LACC1: variants seen among roughly 807,000 people sequenced by gnomAD.
LACC1 encodes the protein laccase domain multifunctional purine nucleosidase 1.
In LACC1, 25 loss-of-function variants were observed where a neutral mutation model predicts 34.8. The ratio of observed to expected loss-of-function variants is 0.72; its 90% CI spans 0.52 to 1.00. The LOEUF (loss-of-function observed/expected upper bound fraction) is 1.00, where lower values mean the gene tolerates loss of function less well. LACC1 is among the 50% of genes least tolerant of loss of function. LACC1 has a pLI of 0.00. For synonymous variants in LACC1, 162 were observed against 168.0 expected (o/e 0.96, Z 0.28); for missense variants, 426 against 511.2 (o/e 0.83, Z 1.61).
At position 43,890,275 on chromosome 13, in the gene LACC1, G is replaced by A. The variant is rs2138368520; in HGVS notation, c.*1+1G>A. 1 of 1,609,270 alleles carries A rather than the reference G, an allele frequency of 6.2e-7. No individual in the cohort carries two copies. Among genetic ancestry groups the A allele is most frequent in the East Asian group, 2.2e-5 (1 of 44,618 alleles). ...GGCTTCATATCAATTAAAGAATGAGGTACAGTAGGTTTTCTCTCCTCTCTC... is the reference window on the plus strand; with the variant it reads ...GGCTTCATATCAATTAAAGAATGAGATACAGTAGGTTTTCTCTCCTCTCTC... On this transcript the variant is annotated splice_donor_variant, in intron 6 of 6. Transcript: ENST00000325686. LOFTEE classifies it low-confidence loss of function (3UTR_SPLICE).
chr13:43,889,905 G>A (rs1594900906), intron 5 of LACC1: 4 of 523,382 alleles, frequency 7.6e-6, no homozygotes, highest in Admixed American at 7.0e-5. Flanking sequence ...GTTGTACTGT[G>A]CATATATGAA....
In LACC1 at chr13:43,891,956, G is replaced by T. The variant is rs1955581647; in HGVS notation, c.*509G>T. On this transcript the variant is annotated 3_prime_UTR_variant, in exon 7 of 7. Coordinates refer to ENST00000325686, the MANE Select transcript of LACC1 (RefSeq NM_153218.4). ...TTACAGAGAAAATCACATATCACAT[G>T]GGCTCGAAAGATGTAGAGGTTTTTG... is the stretch of plus-strand genomic sequence containing the variant. 1 of 152,054 alleles carries T rather than the reference G, an allele frequency of 6.6e-6. No homozygotes were observed. Among genetic ancestry groups the T allele is most frequent in the Non-Finnish European group, 1.5e-5 (1 of 67,976 alleles). 9.4% of individuals were successfully genotyped at this position (152,054 alleles called of 1,614,324 possible).
chr13:43,889,385 GT>G (rs1216846420), intron 5 of LACC1, among the ~76,000 whole-genome samples: 2 of 152,188 alleles, frequency 1.3e-5, no homozygotes, highest in East Asian at 3.9e-4. Flanking sequence ...AGAGGAATAT[GT>G]TTTTTAGAAA....
At chr13:43,889,307 A>C (rs898558918) in intron 5 of LACC1, among the ~76,000 whole-genome samples, 11 of 152,202 alleles carry the variant, frequency 7.2e-5, no homozygotes, top group African/African-American at 2.7e-4. Context: ...CCTCAGCTAA[A>C]TTCTCCTAAA....
Position 43,881,438 on chromosome 13 carries a change from A to C in LACC1, c.453A>C (p.Val151=). The C allele has an allele frequency of 6.2e-7, 1 of 1,614,114 alleles. No homozygotes were observed. Among genetic ancestry groups the C allele is most frequent in the Middle Eastern group, 1.6e-4 (1 of 6,062 alleles). The change falls in exon 2 of 7, where the codon GTA becomes GTC. Residue 151 remains valine (V), a synonymous_variant. Coordinates refer to ENST00000325686, the MANE Select transcript of LACC1 (RefSeq NM_153218.4). ...TTAAACAGTCCATTGAAATAAACGT[A>C]ATCACAGCTCAAGAACTAAGAGGAA... The part of the protein sequence containing the change: ...GLFKQSIEIN[V]ITAQELRGIQ...
chr13:43,882,564 G>GATATATATATAT (rs56292789), intron 3 of LACC1, among the ~76,000 whole-genome samples: 9,290 of 138,852 alleles, frequency 0.067, 385 homozygotes, highest in South Asian at 0.13. Context: ...CACACGTGCA[G>GATATATATATAT]ATATATATAT....
In LACC1 at chr13:43,880,108, G is replaced by A. The variant is rs147171814; in HGVS notation, c.-46G>A. 4 of 152,606 alleles carry A rather than the reference G, an allele frequency of 2.6e-5. 1 individual carries two copies. Among genetic ancestry groups the A allele is most frequent in the African/African-American group, 9.6e-5 (4 of 41,560 alleles). 9.5% of individuals were successfully genotyped at this position (152,606 alleles called of 1,614,324 possible). On this transcript the variant is annotated 5_prime_UTR_variant, in exon 1 of 7. Transcript: ENST00000325686. ...TGCAGAGCCACAGCCTGCGCCCCGT[G>A]AGCCGAGGCGGGTAGGAGGAACAGG...
Position 43,879,966 on chromosome 13 carries a change from C to T in LACC1, c.-188C>T, listed in dbSNP as rs902073681. The T allele has an allele frequency of 2.0e-5, 3 of 152,514 alleles. No individual in the cohort carries two copies. Among genetic ancestry groups the T allele is most frequent in the Admixed American group, 6.6e-5 (1 of 15,258 alleles). 9.4% of individuals were successfully genotyped at this position (152,514 alleles called of 1,614,324 possible). A position where few individuals can be genotyped will look rare whatever the true frequency, so the allele number is the denominator to read the frequency against. On this transcript the variant is annotated 5_prime_UTR_variant, in exon 1 of 7. Transcript: ENST00000325686. The stretch of plus-strand genomic sequence containing the variant: ...AATTGTCACAGAGGTCGCCGTAGAC[C>T]GGTGTGCAACCGAAGGTGAAGAGCG...
chr13:43,888,865 G>T lies in LACC1; in HGVS notation c.1016G>T (p.Gly339Val). 1.2e-6 allele frequency: 2 copies of T among 1,613,818 alleles called. No homozygotes were observed. The highest frequency in any genetic ancestry group is 8.5e-7 in the Non-Finnish European group (1 of 1,179,788). Residue 339 changes from glycine (G) to valine (V), a missense_variant, in exon 5 of 7, where the codon GGA (glycine) becomes GTA (valine). By Grantham distance (109) the Gly-to-Val change is moderately radical. Around this residue, in one of 2 missense-constraint regions of LACC1, gnomAD observed 209 missense variants for 300.3 expected, o/e 0.70. Transcript: ENST00000325686. Reference protein sequence around the residue: ...DIVVVLGPSVGPCCFTLPRES... With the variant: ...DIVVVLGPSVVPCCFTLPRES... ...GTTGTTGTACTTGGACCTTCAGTAG[G>T]ACCTTGCTGTTTTACTCTTCCAAGG...
chr13:43,889,684 T>C (rs1955483942), intron 5 of LACC1, among the ~76,000 whole-genome samples: 1 of 152,202 alleles, frequency 6.6e-6, no homozygotes, highest in Non-Finnish European at 1.5e-5. Context: ...TATCATAAAG[T>C]GTTCATGGAG....
rs1049950430 is a variant in LACC1 at position 43,892,467 on chromosome 13, TCTGCTTGG to T, written c.*1027_*1034del. 1 of 152,010 alleles carries T rather than the reference TCTGCTTGG, an allele frequency of 6.6e-6. No individual in the cohort carries two copies. The highest frequency in any genetic ancestry group is 1.5e-5 in the Non-Finnish European group (1 of 67,966). The allele number at this position is 152,010 out of a possible 1,614,324, so 9.4% of individuals were successfully genotyped here. ...AAAAGTCATTAATGACTCTAAGATT[TCTGCTTGG>T]CTGCTTACCAAGATTGGCAACAAAG... On this transcript the variant is annotated 3_prime_UTR_variant, in exon 7 of 7. Transcript: ENST00000325686.
chr13:43,879,198 A>ATTCCCGCCGCCCCCTCACGGTGCCCGCCG (rs1274757076), upstream of LACC1: 4 of 151,944 alleles, frequency 2.6e-5, no homozygotes, highest in African/African-American at 9.7e-5. Context: ...GCGACCCACC[A>ATTCCCGCCGCCCCCTCACGGTGCCCGCCG]TTCCCGCCGC....
upstream of LACC1, chr13:43,879,760 T>TGGGCGAGGGGGGCGAGGTGAGGCG (rs1954843131): frequency 1.0e-5 from 1 of 98,172 alleles, no homozygotes. Context: ...CGGGGCGAGG[T>TGGGCGAGGGGGGCGAGGTGAGGCG]GGGCGAGGGG....
intron 4 of LACC1, among the ~76,000 whole-genome samples, chr13:43,888,310 A>G: frequency 6.6e-6 from 1 of 152,274 alleles, no homozygotes; most frequent in East Asian, 1.9e-4. Flanking sequence ...AGAAACAAGG[A>G]GTTATTGTTA....
intron 4 of LACC1, among the ~76,000 whole-genome samples, chr13:43,887,996 A>C (rs1036842442): frequency 1.3e-5 from 2 of 152,192 alleles, no homozygotes; most frequent in Non-Finnish European, 2.9e-5. Flanking sequence ...ATATTTGCAC[A>C]CCAATGTTGA....
Position 43,883,795 on chromosome 13 carries a change from A to T in LACC1, c.766A>T (p.Ile256Phe). The change falls in exon 4 of 7, where the codon ATT becomes TTT. Residue 256 changes from isoleucine to phenylalanine, a missense_variant. By Grantham distance (21) the Ile-to-Phe change is conservative. Around this residue, in one of 2 missense-constraint regions of LACC1, gnomAD observed 209 missense variants for 300.3 expected, o/e 0.70. Transcript: ENST00000325686. ...IKTHHSNDIW[I>F]MGRKEPDSYD... is the part of the protein sequence containing the mutation. ...GACTCATCATTCCAATGACATCTGG[A>T]TTATGGGAAGAAAGGAGCCTGACTC... 6.2e-7 allele frequency: 1 copy of T among 1,612,890 alleles called. No individual in the cohort carries two copies. The highest frequency in any genetic ancestry group is 8.5e-7 in the Non-Finnish European group (1 of 1,179,292).
chr13:43,883,177 C>T (rs1047306990), intron 3 of LACC1, among the ~76,000 whole-genome samples: 2 of 152,156 alleles, frequency 1.3e-5, no homozygotes, highest in African/African-American at 4.8e-5. Flanking sequence ...TGACATTATT[C>T]AAGAGCCTAC....
At chr13:43,890,631 C>T (rs1400320167) in intron 6 of LACC1, among the ~76,000 whole-genome samples, 1 of 152,148 alleles carries the variant, frequency 6.6e-6, no homozygotes, top group Non-Finnish European at 1.5e-5. Context: ...CTACTATGTA[C>T]TTGATATCTG....
chr13:43,887,215 C>A (rs1955372813), intron 4 of LACC1, among the ~76,000 whole-genome samples: 1 of 152,124 alleles, frequency 6.6e-6, no homozygotes, highest in East Asian at 1.9e-4. Context: ...TCTGTACTTC[C>A]CATAACCACA....
Sources: allele counts gnomAD v4.1 joint callset (sites outside exome capture counted in the v4.1 genomes callset), GRCh38; gene constraint gnomAD v4.1.1; regional missense constraint gnomAD v4.1.1; transcripts MANE v1.5; gene names NCBI Gene and HGNC (gene_info 2026-07-23, HGNC 2026-07-21).